The following GNAQ variants were observed in gnomAD, a reference collection of about 807,000 sequenced individuals.
GNAQ encodes the protein guanine nucleotide-binding protein G(q) subunit alpha.
A neutral mutation model predicts 43.9 loss-of-function variants in GNAQ; 8 were observed. The ratio of observed to expected loss-of-function variants is 0.18; its 90% CI spans 0.11 to 0.33. The LOEUF is 0.33. Ranked by LOEUF, GNAQ falls within the 10% of genes least tolerant of loss-of-function variation. The pLI is 1.00. For synonymous variants in GNAQ, 155 were observed against 170.7 expected (o/e 0.91, Z 0.71); for missense variants, 158 against 450.8 (o/e 0.35, Z 5.88).
At chr9:77,941,589 C>G (rs1406011766) in intron 1 of GNAQ, among the ~76,000 whole-genome samples, 1 of 152,148 alleles carries the variant, frequency 6.6e-6, no homozygotes, top group Non-Finnish European at 1.5e-5. Flanking sequence ...CGTTTCTGCT[C>G]TAGTGATTCC....
intron 5 of GNAQ, among the ~76,000 whole-genome samples, chr9:77,753,703 C>G (rs188609965): frequency 6.6e-6 from 1 of 152,248 alleles, no homozygotes; most frequent in African/African-American, 2.4e-5. Flanking sequence ...CTAGAGAGGT[C>G]TCGAAATACT....
chr9:77,940,994 T>A (rs11145623), intron 1 of GNAQ, among the ~76,000 whole-genome samples: 21,281 of 152,058 alleles, frequency 0.14, 1,732 homozygotes, highest in East Asian at 0.33. Context: ...GTCATTTTTT[T>A]AAATCTCCCA....
chr9:77,858,307 T>C lies in GNAQ; in HGVS notation c.322-42537A>G, dbSNP rs550141149. 5.3e-5 allele frequency among the ~76,000 whole-genome samples: 8 copies of C among 152,282 alleles called. No individual in the cohort carries two copies. The East Asian group carries it at 1.2e-3, about 22-fold the overall frequency. On this transcript the variant is annotated intron_variant, in intron 2 of 6. Coordinates refer to ENST00000286548, the MANE Select transcript of GNAQ (RefSeq NM_002072.5). ...CACATAACCTGGGAGATCTTTTCAA[T>C]ACAATACGTAGTCTGACCTAGTTGA...
At chr9:77,865,353 T>C (rs1488229768) in intron 2 of GNAQ, among the ~76,000 whole-genome samples, 1 of 152,246 alleles carries the variant, frequency 6.6e-6, no homozygotes, top group Non-Finnish European at 1.5e-5. Context: ...TATGTGATTT[T>C]ATGAAATTAC....
At chr9:77,725,486 G>A (rs546845698) in intron 6 of GNAQ, among the ~76,000 whole-genome samples, 2 of 150,558 alleles carry the variant, frequency 1.3e-5, no homozygotes, top group Admixed American at 6.6e-5. Context: ...TGACTGCTGC[G>A]CTGGCTTTGT....
At chr9:77,729,275 C>T (rs1825448016) in intron 5 of GNAQ, among the ~76,000 whole-genome samples, 1 of 152,184 alleles carries the variant, frequency 6.6e-6, no homozygotes, top group African/African-American at 2.4e-5. Flanking sequence ...CTATGTTTCA[C>T]TATACTATTA....
At chr9:77,868,341 C>A (rs147942386) in intron 2 of GNAQ, among the ~76,000 whole-genome samples, 1 of 152,136 alleles carries the variant, frequency 6.6e-6, no homozygotes. Context: ...TTTGTTGAAA[C>A]AGACCAAACA....
At chr9:77,982,480 C>T (rs1823379859) in intron 1 of GNAQ, among the ~76,000 whole-genome samples, 2 of 152,150 alleles carry the variant, frequency 1.3e-5, no homozygotes, top group Non-Finnish European at 2.9e-5. Context: ...TACACCTTTT[C>T]ATGGGGTTAT....
chr9:77,803,050 T>G (rs2118476523), intron 3 of GNAQ, among the ~76,000 whole-genome samples: 1 of 152,244 alleles, frequency 6.6e-6, no homozygotes, highest in South Asian at 2.1e-4. Context: ...TCAACAACAC[T>G]TAGCCAAGGG....
chr9:77,937,832 C>T (rs755048189), intron 1 of GNAQ, among the ~76,000 whole-genome samples: 13 of 152,250 alleles, frequency 8.5e-5, no homozygotes, highest in African/African-American at 3.1e-4. Context: ...GCGGAGGTTG[C>T]GGTGAGCTGA....
intron 1 of GNAQ, among the ~76,000 whole-genome samples, chr9:78,014,640 A>G (rs552532072): frequency 5.9e-4 from 90 of 152,304 alleles, no homozygotes; most frequent in African/African-American, 2.0e-3. Context: ...AGGGTAGCTA[A>G]AACAAAGAAT....
In GNAQ at chr9:77,889,608, T is replaced by C. The variant is rs569071062; in HGVS notation, c.321+32553A>G. ...ACACATGTTGATCCTTCCAGATCCC[T>C]AGTGATGCTGCAAGTTCATTTCCAA... On this transcript the variant is annotated intron_variant, in intron 2 of 6. Coordinates refer to ENST00000286548, the MANE Select transcript of GNAQ (RefSeq NM_002072.5). 3.3e-5 allele frequency among the ~76,000 whole-genome samples: 5 copies of C among 152,190 alleles called. 1 individual carries two copies. In the South Asian group the frequency reaches 1.0e-3, roughly 32 times the overall value.
At chr9:77,937,757 T>A (rs1226168028) in intron 1 of GNAQ, among the ~76,000 whole-genome samples, 5 of 152,054 alleles carry the variant, frequency 3.3e-5, no homozygotes, top group African/African-American at 1.2e-4. Context: ...CCAGGCGTGG[T>A]GGGGCATGCC....
intron 4 of GNAQ, among the ~76,000 whole-genome samples, chr9:77,795,713 T>C (rs1414423012): frequency 6.6e-6 from 1 of 152,184 alleles, no homozygotes; most frequent in Non-Finnish European, 1.5e-5. Flanking sequence ...TTCGGAAGTA[T>C]TAAAATGCTG....
chr9:77,878,378 G>T (rs1828159606), intron 2 of GNAQ, among the ~76,000 whole-genome samples: 1 of 152,094 alleles, frequency 6.6e-6, no homozygotes, highest in South Asian at 2.1e-4. Context: ...AGGTTTACAT[G>T]ACACCTCTGT....
chr9:77,852,328 G>C (rs1185511257), intron 2 of GNAQ, among the ~76,000 whole-genome samples: 1 of 152,178 alleles, frequency 6.6e-6, no homozygotes, highest in Non-Finnish European at 1.5e-5. Context: ...CACTCACTTA[G>C]GACAGTCCCT....
intron 1 of GNAQ, among the ~76,000 whole-genome samples, chr9:77,941,206 A>G (rs1267926044): frequency 6.6e-6 from 1 of 152,184 alleles, no homozygotes; most frequent in East Asian, 1.9e-4. Context: ...TGTGAGAAAT[A>G]CAAACAGCCA....
chr9:77,820,359 G>A (rs1827093425), intron 2 of GNAQ, among the ~76,000 whole-genome samples: 1 of 152,176 alleles, frequency 6.6e-6, no homozygotes, highest in Non-Finnish European at 1.5e-5. Flanking sequence ...CCTGAACCCT[G>A]ACCTTTCAGG....
chr9:77,904,486 C>A (rs1456199425), intron 2 of GNAQ, among the ~76,000 whole-genome samples: 1 of 151,818 alleles, frequency 6.6e-6, no homozygotes, highest in Non-Finnish European at 1.5e-5. Context: ...GCGTCTACCA[C>A]CACGCCTGGC....
Sources: gnomAD v4.1 joint callset for allele counts (sites outside exome capture counted in the v4.1 genomes callset) on GRCh38, gnomAD v4.1.1 for gene constraint, MANE v1.5 for transcripts, NCBI Gene and HGNC (gene_info 2026-07-23, HGNC 2026-07-21) for gene names.